JUP: variants seen among roughly 807,000 people sequenced by gnomAD.
The protein encoded by JUP is junction plakoglobin.
In JUP, 28 loss-of-function variants were observed where a neutral mutation model predicts 71.1. The ratio of observed to expected loss-of-function variants is 0.39; its 90% CI spans 0.29 to 0.54. JUP has a LOEUF of 0.54. Ranked by LOEUF, JUP falls within the 20% of genes least tolerant of loss-of-function variation. The pLI is 0.62. For synonymous variants in JUP, 401 were observed against 438.9 expected (o/e 0.91, Z 1.08); for missense variants, 869 against 1,030.1 (o/e 0.84, Z 2.14).
In JUP at chr17:41,763,008, T is replaced by A; in HGVS notation, c.1472A>T (p.Gln491Leu). The change falls in exon 8 of 14, where the codon CAG becomes CTG. Residue 491 changes from glutamine to leucine, a missense_variant. Gln to Leu is a moderately radical substitution (Grantham distance 113, BLOSUM62 -2). Transcript: ENST00000393931. ...GIPAIVKLLN[Q>L]PNQWPLVKAT... ...CTTGACCAGTGGCCACTGGTTGGGC[T>A]GGTTGAGCAGCTTCACGATGGCTGG... 1.2e-6 allele frequency: 2 copies of A among 1,614,098 alleles called. No individual in the cohort carries two copies. The highest frequency in any genetic ancestry group is 1.7e-6 in the Non-Finnish European group (2 of 1,180,026).
In JUP at chr17:41,757,764, C is replaced by T; in HGVS notation, c.1794G>A (p.Glu598=). The T allele has an allele frequency of 6.2e-7, 1 of 1,611,660 alleles. No individual in the cohort carries two copies. The highest frequency in any genetic ancestry group is 8.5e-7 in the Non-Finnish European group (1 of 1,178,748). ...LFVQLLYSSV[E]NIQRVAAGVL... is the part of the protein sequence containing the mutation. ...CCCCGGCAGCCACGCGCTGGATGTTCTCCACCGACGAGTACAGGAGCTGGG... is the reference window on the plus strand; with the variant it reads ...CCCCGGCAGCCACGCGCTGGATGTTTTCCACCGACGAGTACAGGAGCTGGG... The change falls in exon 11 of 14, where the codon GAG becomes GAA. Residue 598 remains glutamate (E), a synonymous_variant. Transcript: ENST00000393931.
At chr17:41,756,051 T>TGTGGATGCCACACA in intron 13 of JUP, 124 bp downstream of exon 13, 1 of 1,325,998 alleles carries the variant, frequency 7.5e-7, no homozygotes, top group Non-Finnish European at 1.1e-6. Flanking sequence ...CTGGGGTACA[T>TGTGGATGCCACACA]GTGGATGCCA....
Position 41,754,743 on chromosome 17 carries a change from G to A in JUP, c.*1001C>T, listed in dbSNP as rs559563707. The A allele has an allele frequency of 6.5e-6, 1 of 153,034 alleles. No individual in the cohort carries two copies. Among genetic ancestry groups the A allele is most frequent in the East Asian group, 1.9e-4 (1 of 5,182 alleles). 9.5% of individuals were successfully genotyped at this position (153,034 alleles called of 1,614,324 possible). A position where few individuals can be genotyped will look rare whatever the true frequency, so the allele number is the denominator to read the frequency against. ...CACACCATGTGCGGGAAATGGGGGG[G>A]TCTGAAACAGGAAGGGGAAGAGAAA... On this transcript the variant is annotated 3_prime_UTR_variant, in exon 14 of 14. Transcript: ENST00000393931.
chr17:41,765,393 C>T (rs1029426206), intron 5 of JUP, among the ~76,000 whole-genome samples: 2 of 151,488 alleles, frequency 1.3e-5, no homozygotes, highest in Non-Finnish European at 2.9e-5. Flanking sequence ...GCTCTGTCAC[C>T]CAGGCTGGAG....
intron 1 of JUP, among the ~76,000 whole-genome samples, chr17:41,778,543 C>G (rs147150278): frequency 2.1e-3 from 280 of 135,146 alleles, no homozygotes; most frequent in African/African-American, 7.5e-3. Flanking sequence ...CTGGGCAACA[C>G]AGTGAGACCC....
chr17:41,771,362 C>T, intron 2 of JUP: 3 of 516,094 alleles, frequency 5.8e-6, no homozygotes, highest in Non-Finnish European at 1.1e-5. Flanking sequence ...TCACAGAAGG[C>T]AAGGACTATG....
intron 8 of JUP, among the ~76,000 whole-genome samples, chr17:41,760,927 G>A (rs547010816): frequency 3.2e-4 from 49 of 152,296 alleles, no homozygotes; most frequent in Admixed American, 5.2e-4. Flanking sequence ...TCCTGTGCCC[G>A]TTGACAAGAC....
intron 7 of JUP, 68 bp downstream of exon 7, chr17:41,764,645 G>T: frequency 7.8e-7 from 1 of 1,278,670 alleles, no homozygotes; most frequent in Non-Finnish European, 1.1e-6. Flanking sequence ...CCTCAGGTCA[G>T]ATGCCCAGAC....
intron 2 of JUP, among the ~76,000 whole-genome samples, chr17:41,770,720 G>A (rs1331127187): frequency 6.6e-6 from 1 of 152,230 alleles, no homozygotes; most frequent in East Asian, 1.9e-4. Flanking sequence ...CTCCCAGAGG[G>A]GCAGGGGAGG....
chr17:41,783,045 C>T (rs1486685259), intron 1 of JUP, among the ~76,000 whole-genome samples: 5 of 150,376 alleles, frequency 3.3e-5, no homozygotes, highest in African/African-American at 9.9e-5. Flanking sequence ...TACAGTGAGC[C>T]GAGATCGCGC....
At chr17:41,758,244 G>C (rs889682933) in intron 10 of JUP, 155 bp downstream of exon 10, 5 of 820,990 alleles carry the variant, frequency 6.1e-6, no homozygotes, top group Non-Finnish European at 9.7e-6. Context: ...CCATGCAGGG[G>C]GTTGCTAAGT....
At chr17:41,758,189 C>G in intron 10 of JUP, 1 of 468,632 alleles carries the variant, frequency 2.1e-6, no homozygotes, top group Non-Finnish European at 3.6e-6. Flanking sequence ...TTTTTTTTTT[C>G]CATTTGTGAT....
chr17:41,764,655 C>T (rs1326286475), intron 7 of JUP, 58 bp downstream of exon 7: 1 of 1,411,758 alleles, frequency 7.1e-7, no homozygotes, highest in Non-Finnish European at 1.0e-6. Flanking sequence ...GATGCCCAGA[C>T]AGGAGGCTGG....
intron 8 of JUP, among the ~76,000 whole-genome samples, chr17:41,760,470 G>C (rs1288699953): frequency 2.0e-5 from 3 of 151,772 alleles, no homozygotes; most frequent in Non-Finnish European, 4.4e-5. Flanking sequence ...GTGTTAGCCA[G>C]GATGGTCTCG....
chr17:41,769,410 T>G lies in JUP; in HGVS notation c.468+8A>C, dbSNP rs1555605618. On this transcript the variant is annotated splice_region_variant and intron_variant, in intron 3 of 13. Transcript: ENST00000393931. Reference sequence around the variant, plus strand: ...CCAGCCCCCACCCTAGCAGGGACCCTCACAGACCGGGTCCTCGTCGTTGAG... The same window carrying G: ...CCAGCCCCCACCCTAGCAGGGACCCGCACAGACCGGGTCCTCGTCGTTGAG... 9 of 1,608,810 alleles carry G rather than the reference T, an allele frequency of 5.6e-6. No individual in the cohort carries two copies. Among genetic ancestry groups the G allele is most frequent in the Non-Finnish European group, 7.6e-6 (9 of 1,178,270 alleles).
chr17:41,765,128 G>A lies in JUP; in HGVS notation c.910-61C>T, dbSNP rs532184054. 154 of 1,524,038 alleles carry A rather than the reference G, an allele frequency of 1.0e-4. 2 individuals carry two copies. Among genetic ancestry groups the A allele is most frequent in the East Asian group, 7.5e-4 (33 of 44,106 alleles). 94.4% of individuals were successfully genotyped at this position (1,524,038 alleles called of 1,614,324 possible). Reference sequence around the variant, plus strand: ...GGGAATATGACAGGAACAAGGAAGCGCGGGACAGGAGACAGAACTGTCATT... The same window carrying A: ...GGGAATATGACAGGAACAAGGAAGCACGGGACAGGAGACAGAACTGTCATT... On this transcript the variant is annotated intron_variant, in intron 5 of 13. Coordinates refer to ENST00000393931, the MANE Select transcript of JUP (RefSeq NM_002230.4).
At chr17:41,771,322 G>A (rs1443027778) in intron 2 of JUP, 18 of 395,598 alleles carry the variant, frequency 4.6e-5, no homozygotes, top group Admixed American at 1.1e-4. Flanking sequence ...ATGAGCCACC[G>A]TACCCAATGT....
At chr17:41,762,166 A>AGTGTGTGT (rs1285649470) in intron 8 of JUP, among the ~76,000 whole-genome samples, 2 of 66,924 alleles carry the variant, frequency 3.0e-5, no homozygotes, top group African/African-American at 1.2e-4. Flanking sequence ...AGAGAGAGAG[A>AGTGTGTGT]GAGAGAGAGA....
Position 41,759,122 on chromosome 17 carries a change from G to A in JUP, c.1498-252C>T, listed in dbSNP as rs58379004. On this transcript the variant is annotated intron_variant, in intron 8 of 13. Coordinates refer to ENST00000393931, the MANE Select transcript of JUP (RefSeq NM_002230.4). ...GAGTTTCGCTCTTGTCACCCAGGCT[G>A]GAGTGCAGTGGTGCAATCTCACCTC... 0.024 allele frequency among the ~76,000 whole-genome samples: 3,425 copies of A among 141,590 alleles called. 146 individuals are homozygous for A. Among genetic ancestry groups the A allele is most frequent in the African/African-American group, 0.085 (3,215 of 37,870 alleles). 92.9% of individuals were successfully genotyped at this position (141,590 alleles called of 152,430 possible).
Sources: gnomAD v4.1 joint callset for allele counts (sites outside exome capture counted in the v4.1 genomes callset) on GRCh38, gnomAD v4.1.1 for gene constraint, MANE v1.5 for transcripts, NCBI Gene and HGNC (gene_info 2026-07-23, HGNC 2026-07-21) for gene names.